The following PAN3 variants were observed in gnomAD, a reference collection of about 807,000 sequenced individuals.
PAN3 encodes the protein poly(A) specific ribonuclease subunit PAN3.
Under a neutral mutation model 96.2 loss-of-function variants are expected in PAN3, and 19 were observed. The observed-to-expected ratio is 0.20, with a 90% confidence interval of 0.14 to 0.29. PAN3 has a LOEUF of 0.29. Ranked by LOEUF, PAN3 falls within the 10% of genes least tolerant of loss-of-function variation. PAN3 has a pLI of 1.00. For missense variants in PAN3, 882 were observed against 1,108.1 expected (o/e 0.80, Z 2.90); for synonymous variants, 433 against 406.6 (o/e 1.06, Z -0.78).
chr13:28,211,903 A>G (rs1880080427), intron 5 of PAN3, among the ~76,000 whole-genome samples: 1 of 152,178 alleles, frequency 6.6e-6, no homozygotes, highest in African/African-American at 2.4e-5. Flanking sequence ...CTTGTATAGA[A>G]AGGGGGACAT....
chr13:28,186,961 A>G (rs907605880), intron 4 of PAN3, among the ~76,000 whole-genome samples: 1 of 152,210 alleles, frequency 6.6e-6, no homozygotes, highest in Non-Finnish European at 1.5e-5. Context: ...TGCCTGTACT[A>G]TCACCACTTT....
At chr13:28,190,101 G>C (rs1273973331) in intron 4 of PAN3, among the ~76,000 whole-genome samples, 1 of 151,952 alleles carries the variant, frequency 6.6e-6, no homozygotes, top group Non-Finnish European at 1.5e-5. Flanking sequence ...GTACCACCAC[G>C]CCTGGCTAAT....
intron 5 of PAN3, among the ~76,000 whole-genome samples, 176 bp downstream of exon 5, chr13:28,197,522 C>T (rs568388299): frequency 1.6e-4 from 24 of 151,820 alleles, no homozygotes; most frequent in Non-Finnish European, 3.1e-4. Context: ...ATGATTTTTT[C>T]TTGGTGGCTT....
chr13:28,212,949 C>T (rs2138332656), intron 5 of PAN3, among the ~76,000 whole-genome samples: 1 of 152,220 alleles, frequency 6.6e-6, no homozygotes. Flanking sequence ...AACCCACAGA[C>T]TCAAGGTGTC....
At chr13:28,197,639 C>A (rs1198857932) in intron 5 of PAN3, among the ~76,000 whole-genome samples, 1 of 152,038 alleles carries the variant, frequency 6.6e-6, no homozygotes, top group African/African-American at 2.4e-5. Context: ...GTGGCACCAT[C>A]TTACCTCACT....
At chr13:28,243,608 C>CT (rs577031954) in intron 6 of PAN3, among the ~76,000 whole-genome samples, 3 of 149,674 alleles carry the variant, frequency 2.0e-5, no homozygotes, top group African/African-American at 7.3e-5. Flanking sequence ...TCTGATTAAA[C>CT]TTTTTTTTTT....
intron 7 of PAN3, among the ~76,000 whole-genome samples, chr13:28,257,709 TA>T (rs908044446): frequency 6.6e-4 from 92 of 139,036 alleles, no homozygotes; most frequent in African/African-American, 2.1e-3. Context: ...TTATATATAT[TA>T]TATATAATTA....
At chr13:28,235,682 T>TATACACACACAC (rs763764468) in intron 6 of PAN3, among the ~76,000 whole-genome samples, 1 of 123,402 alleles carries the variant, frequency 8.1e-6, no homozygotes, top group African/African-American at 3.5e-5. Flanking sequence ...TTCTCTAATA[T>TATACACACACAC]ACACACACAC....
At chr13:28,144,173 T>C (rs2137923355) in intron 1 of PAN3, among the ~76,000 whole-genome samples, 1 of 151,214 alleles carries the variant, frequency 6.6e-6, no homozygotes, top group East Asian at 1.9e-4. Context: ...GGGCTATAAA[T>C]ATCTATAAGG....
rs1248428741 is a variant in PAN3 at position 28,228,678 on chromosome 13, A to G, written c.1000+8300A>G. Among the ~76,000 whole-genome samples, 3 of 152,308 alleles carry G rather than the reference A, an allele frequency of 2.0e-5. No homozygotes were observed. The East Asian group carries it at 5.8e-4, about 29-fold the overall frequency. ...GAAAACAGTAAAATTAACAGTAAACAATAACATTAAGATTAAATATATTAA... is the reference window on the plus strand; with the variant it reads ...GAAAACAGTAAAATTAACAGTAAACGATAACATTAAGATTAAATATATTAA... On this transcript the variant is annotated intron_variant, in intron 6 of 18. Transcript: ENST00000380958.
At chr13:28,169,148 C>T (rs948199428) in intron 1 of PAN3, among the ~76,000 whole-genome samples, 4 of 151,208 alleles carry the variant, frequency 2.6e-5, no homozygotes, top group African/African-American at 7.3e-5. Flanking sequence ...ATTAAGGTCA[C>T]TCACATATCT....
chr13:28,264,762 T>C (rs1272159312), intron 9 of PAN3, among the ~76,000 whole-genome samples: 2 of 152,156 alleles, frequency 1.3e-5, no homozygotes, highest in African/African-American at 4.8e-5. Flanking sequence ...CATTGACTTT[T>C]AGGAACTTGT....
intron 6 of PAN3, among the ~76,000 whole-genome samples, chr13:28,242,100 G>A (rs1440809765): frequency 6.6e-6 from 1 of 152,178 alleles, no homozygotes; most frequent in Non-Finnish European, 1.5e-5. Flanking sequence ...TCAGAAGAAT[G>A]TCCTTCATCC....
intron 1 of PAN3, among the ~76,000 whole-genome samples, chr13:28,172,756 G>C (rs570688462): frequency 2.6e-5 from 4 of 152,204 alleles, no homozygotes; most frequent in African/African-American, 9.6e-5. Flanking sequence ...AAGAAGCTGA[G>C]GCAAAATTAA....
At chr13:28,278,243 C>G (rs1887212762) in intron 15 of PAN3, among the ~76,000 whole-genome samples, 1 of 152,242 alleles carries the variant, frequency 6.6e-6, no homozygotes, top group Non-Finnish European at 1.5e-5. Flanking sequence ...CTTTGTTACA[C>G]TGGCATAAAT....
At chr13:28,233,584 T>G (rs1398509765) in intron 6 of PAN3, among the ~76,000 whole-genome samples, 1 of 152,202 alleles carries the variant, frequency 6.6e-6, no homozygotes, top group African/African-American at 2.4e-5. Flanking sequence ...TAAGACATTC[T>G]TATTAGAATT....
intron 14 of PAN3, 52 bp downstream of exon 14, chr13:28,272,123 A>G: frequency 7.7e-7 from 1 of 1,292,528 alleles, no homozygotes; most frequent in Non-Finnish European, 1.1e-6. Flanking sequence ...TTAAAGACAA[A>G]TTTTGTTCAT....
At chr13:28,179,080 C>T (rs1396730907) in intron 4 of PAN3, among the ~76,000 whole-genome samples, 1 of 152,230 alleles carries the variant, frequency 6.6e-6, no homozygotes, top group South Asian at 2.1e-4. Flanking sequence ...AAGGTAATTA[C>T]AAAATGCTTT....
At chr13:28,249,130 CCTAT>C (rs1200245422) in intron 6 of PAN3, among the ~76,000 whole-genome samples, 1 of 152,070 alleles carries the variant, frequency 6.6e-6, no homozygotes, top group African/African-American at 2.4e-5. Flanking sequence ...CTTTACTTGT[CCTAT>C]CTTTTATTTA....
Sources: gnomAD v4.1 joint callset for allele counts (sites outside exome capture counted in the v4.1 genomes callset) on GRCh38, gnomAD v4.1.1 for gene constraint, MANE v1.5 for transcripts, NCBI Gene and HGNC (gene_info 2026-07-23, HGNC 2026-07-21) for gene names.